The following OR51B5 variants were observed in gnomAD, a reference collection of about 807,000 sequenced individuals.
OR51B5 encodes the protein olfactory receptor family 51 subfamily B member 5.
For synonymous variants in OR51B5, 186 were observed against 144.8 expected, an observed-to-expected ratio of 1.28 and a Z score of -2.04; for missense variants, 456 against 374.6, an observed-to-expected ratio of 1.22 and a Z score of -1.79.
At chr11:5,492,121 A>G (rs1490254776) in intron 1 of OR51B5, among the ~76,000 whole-genome samples, 2 of 152,152 alleles carry the variant, frequency 1.3e-5, no homozygotes, top group African/African-American at 4.8e-5. Context: ...TAAGTAATTC[A>G]GCACTGGTAA....
At chr11:5,430,221 AT>A (rs5789400) in intron 1 of OR51B5, among the ~76,000 whole-genome samples, 1 of 152,050 alleles carries the variant, frequency 6.6e-6, no homozygotes, top group Non-Finnish European at 1.5e-5. Context: ...CTAGGATAAT[AT>A]TTTTTTAATT....
At chr11:5,422,685 T>G (rs753152055) in intron 1 of OR51B5, 1 of 1,614,088 alleles carries the variant, frequency 6.2e-7, no homozygotes, top group Non-Finnish European at 8.5e-7. Context: ...CTTCCCTCCC[T>G]TTTCTTACTC....
chr11:5,361,768 T>C (rs887616746), intron 1 of OR51B5, among the ~76,000 whole-genome samples: 1 of 151,194 alleles, frequency 6.6e-6, no homozygotes, highest in Admixed American at 6.6e-5. Flanking sequence ...TAGGAAAAAA[T>C]CAAGTTGAAA....
intron 1 of OR51B5, among the ~76,000 whole-genome samples, chr11:5,380,468 G>C (rs951944600): frequency 2.6e-5 from 4 of 152,160 alleles, no homozygotes; most frequent in African/African-American, 9.7e-5. Flanking sequence ...AGGCCTGAGA[G>C]TGAGGTGACC....
At chr11:5,372,296 TTTC>T (rs2133707985) in intron 1 of OR51B5, among the ~76,000 whole-genome samples, 1 of 152,236 alleles carries the variant, frequency 6.6e-6, no homozygotes, top group African/African-American at 2.4e-5. Context: ...AGCAGAGAAA[TTTC>T]TTCATCATAC....
At chr11:5,474,323 TCCC>T (rs918350434) in intron 1 of OR51B5, among the ~76,000 whole-genome samples, 1 of 151,514 alleles carries the variant, frequency 6.6e-6, no homozygotes, top group Non-Finnish European at 1.5e-5. Flanking sequence ...ACAGATGTAC[TCCC>T]CCCAACACAC....
intron 1 of OR51B5, chr11:5,352,197 A>G: frequency 6.2e-7 from 1 of 1,614,190 alleles, no homozygotes; most frequent in South Asian, 1.1e-5. Flanking sequence ...GTTCTGGAGG[A>G]GAAAGGGCCA....
At chr11:5,453,448 A>G in intron 1 of OR51B5, 2 of 1,424,142 alleles carry the variant, frequency 1.4e-6, no homozygotes, top group Non-Finnish European at 1.9e-6. Context: ...TCTCCAAGTC[A>G]GAAGATCTGA....
chr11:5,465,573 G>A lies in OR51B5; in HGVS notation n.84+39996C>T, dbSNP rs1195399490. Among the ~76,000 whole-genome samples, 1,371 of 148,918 alleles carry A rather than the reference G, an allele frequency of 9.2e-3. 21 individuals carry two copies. The highest frequency in any genetic ancestry group is 9.2e-3 in the Non-Finnish European group (619 of 67,010). On this transcript the variant is annotated intron_variant and non_coding_transcript_variant, in intron 1 of 4. Transcript: ENST00000415970. ...CTTCAAACTATACTACAAGGCTACA[G>A]TAACCAAAACAGCATGGTACTGGTA...
chr11:5,394,862 A>G (rs1363670918), intron 1 of OR51B5, among the ~76,000 whole-genome samples: 1 of 152,322 alleles, frequency 6.6e-6, no homozygotes, highest in East Asian at 1.9e-4. Flanking sequence ...CAAATATCTG[A>G]CCCAAAGCTT....
Position 5,490,620 on chromosome 11 carries a change from G to A in OR51B5, n.84+14949C>T, listed in dbSNP as rs139410383. Among the ~76,000 whole-genome samples the A allele has an allele frequency of 5.9e-3, 894 of 152,268 alleles. 5 individuals carry two copies. The highest frequency in any genetic ancestry group is 0.01 in the Middle Eastern group (3 of 294). The stretch of plus-strand genomic sequence containing the variant: ...CCATCTCCTTCCAACTGTTCAAAGA[G>A]ATGATTGTTGTTATTTGCATTATAA... On this transcript the variant is annotated intron_variant and non_coding_transcript_variant, in intron 1 of 4. Coordinates refer to the OR51B5 transcript ENST00000415970.
chr11:5,504,541 G>C (rs1846346019), intron 1 of OR51B5, among the ~76,000 whole-genome samples: 1 of 152,170 alleles, frequency 6.6e-6, no homozygotes, highest in Admixed American at 6.5e-5. Context: ...CAGCAGATGG[G>C]AAGTCCTAGG....
chr11:5,465,684 C>T (rs370856861), intron 1 of OR51B5, among the ~76,000 whole-genome samples: 7 of 141,900 alleles, frequency 4.9e-5, no homozygotes, highest in Non-Finnish European at 9.2e-5. Context: ...CTTTGACAAA[C>T]CTGAGAAAAA....
chr11:5,397,342 T>C (rs1482368946), intron 1 of OR51B5, among the ~76,000 whole-genome samples: 2 of 151,554 alleles, frequency 1.3e-5, no homozygotes, highest in East Asian at 1.9e-4. Context: ...TACAATGAAC[T>C]CAAACAAATT....
chr11:5,354,038 C>T (rs183460235), intron 1 of OR51B5, among the ~76,000 whole-genome samples: 3 of 152,122 alleles, frequency 2.0e-5, no homozygotes, highest in Non-Finnish European at 4.4e-5. Flanking sequence ...TAACATAGTT[C>T]TTATTCCCTA....
At position 5,489,050 on chromosome 11, in the gene OR51B5, C is replaced by T. The variant is rs145837350; in HGVS notation, n.84+16519G>A. ...GTCCATTCTATCTATGCTCTGGAGT[C>T]CTCAATTCTACTTGCCATGGCCTTT... On this transcript the variant is annotated intron_variant and non_coding_transcript_variant, in intron 1 of 4. Coordinates refer to the OR51B5 transcript ENST00000415970. The T allele has an allele frequency of 4.3e-6, 7 of 1,613,990 alleles. No homozygotes were observed. The African/African-American group carries it at 8.0e-5, about 18-fold the overall frequency.
chr11:5,438,570 G>A (rs1175087117), intron 1 of OR51B5, among the ~76,000 whole-genome samples: 1 of 152,170 alleles, frequency 6.6e-6, no homozygotes, highest in Non-Finnish European at 1.5e-5. Flanking sequence ...AGCTTGGACT[G>A]CCATTATCTA....
intron 1 of OR51B5, among the ~76,000 whole-genome samples, chr11:5,475,625 A>G (rs1851294002): frequency 6.6e-6 from 1 of 152,218 alleles, no homozygotes; most frequent in African/African-American, 2.4e-5. Flanking sequence ...CAGAGTTATG[A>G]TTAAATGATC....
intron 1 of OR51B5, among the ~76,000 whole-genome samples, chr11:5,373,922 C>G (rs976511705): frequency 5.9e-4 from 88 of 149,078 alleles, no homozygotes; most frequent in Middle Eastern, 3.4e-3. Context: ...AACAAAAAGA[C>G]AGCAGTAACC....
Sources: allele counts gnomAD v4.1 joint callset (sites outside exome capture counted in the v4.1 genomes callset), GRCh38; gene constraint gnomAD v4.1.1; transcripts MANE v1.5; gene names NCBI Gene and HGNC (gene_info 2026-07-23, HGNC 2026-07-21).